Variants in TRIM65 observed in about 807,000 individuals in gnomAD.
TRIM65 encodes tripartite motif containing 65.
A neutral mutation model predicts 36.1 loss-of-function variants in TRIM65; 46 were observed. The ratio of observed to expected loss-of-function variants is 1.27; its 90% CI spans 1.01 to 1.63. TRIM65 has a LOEUF of 1.63. TRIM65 is among the 40% of genes most tolerant of loss of function. The pLI, the probability that TRIM65 is intolerant of heterozygous loss-of-function variation, is 0.00. For missense variants in TRIM65, 708 were observed against 696.6 expected, an observed-to-expected ratio of 1.02 and a Z score of -0.18; for synonymous variants, 346 against 313.6, an observed-to-expected ratio of 1.10 and a Z score of -1.09.
At chr17:75,894,809 G>T (rs578144933) in intron 1 of TRIM65, among the ~76,000 whole-genome samples, 2 of 152,250 alleles carry the variant, frequency 1.3e-5, no homozygotes, top group Non-Finnish European at 2.9e-5. Flanking sequence ...GATTACAGGC[G>T]TGAGCCACTG....
At chr17:75,894,281 C>T (rs948376570) in intron 1 of TRIM65, among the ~76,000 whole-genome samples, 3 of 152,212 alleles carry the variant, frequency 2.0e-5, no homozygotes, top group Non-Finnish European at 4.4e-5. Context: ...CCTCCATCCA[C>T]GCCTTAGCCC....
At position 75,890,785 on chromosome 17, in the gene TRIM65, G is replaced by A. The variant is rs151119753; in HGVS notation, c.1548C>T (p.Leu516=). 44 of 1,478,806 alleles carry A rather than the reference G, an allele frequency of 3.0e-5. No homozygotes were observed. The highest frequency in any genetic ancestry group is 3.8e-5 in the Non-Finnish European group (42 of 1,115,902). The allele number at this position is 1,478,806 out of a possible 1,614,324, so 91.6% of individuals were successfully genotyped here. ...VFPLGPQEEV[L]S is the part of the protein sequence containing the mutation. ...GCTCCATCCCATGCCTTCTTCAGCT[G>A]AGCACCTCTTCCTGGGGCCCCAGAG... The change falls in exon 6 of 6, where the codon CTC becomes CTT. Residue 516 remains leucine, a synonymous_variant. Coordinates refer to ENST00000269383, the MANE Select transcript of TRIM65 (RefSeq NM_173547.4).
At position 75,890,817 on chromosome 17, in the gene TRIM65, C is replaced by T. The variant is rs377113183; in HGVS notation, c.1516G>A (p.Val506Met). 29 of 1,511,702 alleles carry T rather than the reference C, an allele frequency of 1.9e-5. 1 individual carries two copies. Among genetic ancestry groups the T allele is most frequent in the African/African-American group, 2.8e-5 (2 of 70,686 alleles). The allele number at this position is 1,511,702 out of a possible 1,614,324, so 93.6% of individuals were successfully genotyped here. A position where few individuals can be genotyped will look rare whatever the true frequency, so the allele number is the denominator to read the frequency against. ...TLTLCHQPGA[V>M]FPLGPQEEVL... is the part of the protein sequence containing the mutation. Reference sequence around the variant, plus strand: ...TCTTCCTGGGGCCCCAGAGGGAACACAGCCCCTGGCTGATGGCACAGGGTC... The same window carrying T: ...TCTTCCTGGGGCCCCAGAGGGAACATAGCCCCTGGCTGATGGCACAGGGTC... The change falls in exon 6 of 6, where the codon GTG becomes ATG. Residue 506 changes from valine to methionine, a missense_variant. Transcript: ENST00000269383.
downstream of TRIM65, among the ~76,000 whole-genome samples, chr17:75,879,904 C>T (rs536475868): frequency 6.6e-6 from 1 of 150,780 alleles, no homozygotes; most frequent in East Asian, 1.9e-4. Flanking sequence ...CAGGCGCCCG[C>T]CACCACATTT....
At chr17:75,888,109 T>TC (rs2065222776), downstream of TRIM65, among the ~76,000 whole-genome samples, 1 of 151,558 alleles carries the variant, frequency 6.6e-6, no homozygotes, top group African/African-American at 2.4e-5. Flanking sequence ...TGAGCCGAGA[T>TC]TGAGCCACTG....
downstream of TRIM65, among the ~76,000 whole-genome samples, chr17:75,886,184 A>T (rs756395656): frequency 1.3e-5 from 2 of 152,118 alleles, no homozygotes; most frequent in East Asian, 3.9e-4. Context: ...GCTTTCTACC[A>T]TGATTGTGAG....
At chr17:75,894,070 C>T (rs2065311416) in intron 1 of TRIM65, among the ~76,000 whole-genome samples, 1 of 152,204 alleles carries the variant, frequency 6.6e-6, no homozygotes, top group Admixed American at 6.5e-5. Context: ...CTGGCCCTGT[C>T]ACCAGCTCTA....
chr17:75,892,137 G>A lies in TRIM65; in HGVS notation c.793C>T (p.Leu265=). 1 of 1,566,604 alleles carries A rather than the reference G, an allele frequency of 6.4e-7. No homozygotes were observed. The highest frequency in any genetic ancestry group is 8.7e-7 in the Non-Finnish European group (1 of 1,155,398). The change falls in exon 4 of 6, where the codon CTG becomes TTG. Residue 265 remains leucine (L), a synonymous_variant. Coordinates refer to ENST00000269383, the MANE Select transcript of TRIM65 (RefSeq NM_173547.4). ...AGCTGTTGGTCTTCATCCCACTGCA[G>A]AGGGGTCAGTGGCCCAAGAGGCCCT... ...PPGPLGPLTP[L]QWDEDQQLGD... is the part of the protein sequence containing the mutation.
Position 75,890,367 on chromosome 17 carries a change from A to C in TRIM65, c.*412T>G. ...AGCTGCAGGCGGGGAGGAGGGAGGAATCTGTCTCCCCCTGGGACTACTCTG... is the reference window on the plus strand; with the variant it reads ...AGCTGCAGGCGGGGAGGAGGGAGGACTCTGTCTCCCCCTGGGACTACTCTG... On this transcript the variant is annotated 3_prime_UTR_variant, in exon 6 of 6. Coordinates refer to ENST00000269383, the MANE Select transcript of TRIM65 (RefSeq NM_173547.4). The C allele has an allele frequency of 6.3e-6, 1 of 159,948 alleles. No individual in the cohort carries two copies. Among genetic ancestry groups the C allele is most frequent in the African/African-American group, 2.4e-5 (1 of 41,894 alleles). 9.9% of individuals were successfully genotyped at this position (159,948 alleles called of 1,614,324 possible).
At chr17:75,892,603 G>A in intron 2 of TRIM65, 103 bp from the exon 3 acceptor site, 1 of 1,268,194 alleles carries the variant, frequency 7.9e-7, no homozygotes, top group Non-Finnish European at 1.1e-6. Flanking sequence ...AGGGATGTGG[G>A]GAGGCAGGGT....
At chr17:75,891,674 C>T (rs571215346) in intron 5 of TRIM65, 139 bp downstream of exon 5, 37 of 1,151,744 alleles carry the variant, frequency 3.2e-5, no homozygotes, top group East Asian at 2.6e-4. Flanking sequence ...TCAGATGTCC[C>T]GGCAGGACAG....
Position 75,896,483 on chromosome 17 carries a change from C to A in TRIM65, c.414+41G>T. 2.3e-6 allele frequency: 3 copies of A among 1,290,284 alleles called. No homozygotes were observed. In the South Asian group the frequency reaches 6.3e-5, roughly 27 times the overall value. 79.9% of individuals were successfully genotyped at this position (1,290,284 alleles called of 1,614,324 possible). A position where few individuals can be genotyped will look rare whatever the true frequency, so the allele number is the denominator to read the frequency against. On this transcript the variant is annotated intron_variant, in intron 1 of 5. Coordinates refer to ENST00000269383, the MANE Select transcript of TRIM65 (RefSeq NM_173547.4). ...GAGTCACCCGGCGGTGGCCAGGCTGCGGCGGGTCCGGACCCCTCCCGCTCC... is the reference window on the plus strand; with the variant it reads ...GAGTCACCCGGCGGTGGCCAGGCTGAGGCGGGTCCGGACCCCTCCCGCTCC...
chr17:75,886,521 C>CAAAA (rs537579897), downstream of TRIM65, among the ~76,000 whole-genome samples: 1 of 77,010 alleles, frequency 1.3e-5, no homozygotes, highest in Admixed American at 1.6e-4. Flanking sequence ...GACTCCGTTT[C>CAAAA]AAAAAAAAAA....
chr17:75,892,895 T>C (rs763788679), intron 1 of TRIM65, 45 bp from the exon 2 acceptor site: 2 of 1,552,666 alleles, frequency 1.3e-6, no homozygotes, highest in South Asian at 1.1e-5. Context: ...AAGGCCAGGA[T>C]TGGCTGTGAT....
intron 1 of TRIM65, among the ~76,000 whole-genome samples, chr17:75,893,908 A>G (rs2065308512): frequency 6.6e-6 from 1 of 151,396 alleles, no homozygotes; most frequent in Admixed American, 6.6e-5. Context: ...TCCAACTCAA[A>G]CTTCCGTGCC....
At chr17:75,885,283 T>A (rs1286507159), downstream of TRIM65, among the ~76,000 whole-genome samples, 1 of 152,186 alleles carries the variant, frequency 6.6e-6, no homozygotes, top group Non-Finnish European at 1.5e-5. Context: ...TTTTAATTTT[T>A]AAATATTTAT....
In TRIM65 at chr17:75,892,348, C is replaced by T; in HGVS notation, c.663G>A (p.Arg221=). The stretch of plus-strand genomic sequence containing the variant: ...GGCGAGCCACAGCCTCCAAATGGAC[C>T]CGCAGCCGCTGCTCCTCGTCTCGAG... The part of the protein sequence containing the change: ...AQARDEEQRL[R]VHLEAVARHG... Residue 221 remains arginine (R), a synonymous_variant, in exon 3 of 6, where the codon CGG becomes CGA. Coordinates refer to ENST00000269383, the MANE Select transcript of TRIM65 (RefSeq NM_173547.4). 6.2e-7 allele frequency: 1 copy of T among 1,613,172 alleles called. No homozygotes were observed. Among genetic ancestry groups the T allele is most frequent in the Non-Finnish European group, 8.5e-7 (1 of 1,179,942 alleles).
At chr17:75,893,846 T>G (rs2065307543) in intron 1 of TRIM65, among the ~76,000 whole-genome samples, 1 of 152,050 alleles carries the variant, frequency 6.6e-6, no homozygotes, top group Non-Finnish European at 1.5e-5. Flanking sequence ...CCCCTGGTGC[T>G]ACTGGCTGCC....
downstream of TRIM65, among the ~76,000 whole-genome samples, chr17:75,884,318 G>A (rs529562599): frequency 6.3e-4 from 95 of 151,946 alleles, no homozygotes; most frequent in Non-Finnish European, 1.3e-3. Context: ...AATTAGCCGG[G>A]CGTGGTGGCA....
Sources: gnomAD v4.1 joint callset for allele counts (sites outside exome capture counted in the v4.1 genomes callset) on GRCh38, gnomAD v4.1.1 for gene constraint, MANE v1.5 for transcripts, NCBI Gene and HGNC (gene_info 2026-07-23, HGNC 2026-07-21) for gene names.